Variants in KCNMA1 observed in about 807,000 individuals in gnomAD.
KCNMA1 encodes the protein Calcium-activated potassium channel subunit alpha-1.
Under a neutral mutation model 140.0 loss-of-function variants are expected in KCNMA1, and 29 were observed. The observed-to-expected ratio is 0.21, with a 90% CI of 0.15 to 0.28. The LOEUF (loss-of-function observed/expected upper bound fraction) is 0.28. Ranked by LOEUF, KCNMA1 falls within the 10% of genes least tolerant of loss-of-function variation. The probability of loss-of-function intolerance (pLI) is 1.00; values close to 1 mark genes in which losing one functional copy is unlikely to be tolerated. For missense variants in KCNMA1, 880 were observed against 1,602.2 expected (o/e 0.55, Z 7.70); for synonymous variants, 612 against 611.9 (o/e 1.00, Z 0.00).
At chr10:77,367,465 G>A (rs937084205) in intron 2 of KCNMA1, among the ~76,000 whole-genome samples, 3 of 152,126 alleles carry the variant, frequency 2.0e-5, no homozygotes, top group African/African-American at 7.2e-5. Context: ...AAGAGCCCCA[G>A]CATCACTCAG....
At position 77,500,816 on chromosome 10, in the gene KCNMA1, G is replaced by A. The variant is rs192665742; in HGVS notation, c.379-96793C>T. Among the ~76,000 whole-genome samples, 33 of 152,286 alleles carry A rather than the reference G, an allele frequency of 2.2e-4. No homozygotes were observed. In the East Asian group the frequency reaches 5.0e-3, roughly 23 times the overall value. Reference sequence around the variant, plus strand: ...GTGATTAGAAGGCTGGAATTTCTGCGTTAACTGGTCAACTGGAGAGAACTG... The same window carrying A: ...GTGATTAGAAGGCTGGAATTTCTGCATTAACTGGTCAACTGGAGAGAACTG... On this transcript the variant is annotated intron_variant, in intron 1 of 27. Transcript: ENST00000286628.
intron 2 of KCNMA1, among the ~76,000 whole-genome samples, chr10:77,267,214 T>C (rs545264187): frequency 2.8e-4 from 43 of 152,170 alleles, no homozygotes; most frequent in African/African-American, 8.9e-4. Flanking sequence ...CTAGGCAGAG[T>C]TTTGCACTCA....
intron 2 of KCNMA1, among the ~76,000 whole-genome samples, chr10:77,323,939 A>T (rs1050224126): frequency 6.6e-6 from 1 of 152,220 alleles, no homozygotes; most frequent in Admixed American, 6.5e-5. Flanking sequence ...CAATTTCTAG[A>T]CAGAACATTC....
At position 76,954,378 on chromosome 10, in the gene KCNMA1, A is replaced by C. The variant is rs74399697; in HGVS notation, c.2361-454T>G. Reference sequence around the variant, plus strand: ...GGAATAGGAATAGAGCCTCATGCTGACTGACTGGCATGAGGATGGAAAGCC... The same window carrying C: ...GGAATAGGAATAGAGCCTCATGCTGCCTGACTGGCATGAGGATGGAAAGCC... On this transcript the variant is annotated intron_variant, in intron 20 of 27. Coordinates refer to ENST00000286628, the MANE Select transcript of KCNMA1 (RefSeq NM_001161352.2). Among the ~76,000 whole-genome samples, 380 of 152,308 alleles carry C rather than the reference A, an allele frequency of 2.5e-3. 2 individuals carry two copies. Among genetic ancestry groups the C allele is most frequent in the Middle Eastern group, 3.4e-3 (1 of 294 alleles).
At chr10:77,575,347 G>A (rs541481625) in intron 1 of KCNMA1, among the ~76,000 whole-genome samples, 15 of 152,268 alleles carry the variant, frequency 9.9e-5, no homozygotes, top group African/African-American at 2.4e-4. Context: ...AGGCACTAGC[G>A]ATTTCCTTTT....
intron 23 of KCNMA1, among the ~76,000 whole-genome samples, chr10:76,923,675 T>C (rs111706172): frequency 0.017 from 2,596 of 152,252 alleles, 76 homozygotes; most frequent in African/African-American, 0.06. Flanking sequence ...TTACCTTATC[T>C]TAATTCATCT....
chr10:77,565,360 GCA>G (rs1435142560), intron 1 of KCNMA1, among the ~76,000 whole-genome samples: 1 of 66,422 alleles, frequency 1.5e-5, no homozygotes, highest in African/African-American at 4.4e-5. Context: ...TTACTTCTGA[GCA>G]CATTTTCCCA....
At chr10:77,340,282 A>T (rs169601) in intron 2 of KCNMA1, among the ~76,000 whole-genome samples, 126,847 of 151,988 alleles carry the variant, frequency 0.83, 53,091 homozygotes, top group Middle Eastern at 0.9. Flanking sequence ...AACTAGTTCA[A>T]CCATTGTGGA....
At position 77,606,140 on chromosome 10, in the gene KCNMA1, C is replaced by A. The variant is rs191093709; in HGVS notation, c.378+31125G>T. On this transcript the variant is annotated intron_variant, in intron 1 of 27. Coordinates refer to ENST00000286628, the MANE Select transcript of KCNMA1 (RefSeq NM_001161352.2). ...CCCTCCAGCCTCCCAGACACCCCTG[C>A]ATCAGCCTCTCTCTAGGTAACAGAT... 9.2e-5 allele frequency among the ~76,000 whole-genome samples: 14 copies of A among 152,368 alleles called. No homozygotes were observed. In the East Asian group the frequency reaches 2.3e-3, roughly 25 times the overall value.
intron 25 of KCNMA1, among the ~76,000 whole-genome samples, chr10:76,899,849 T>C (rs940648209): frequency 3.3e-5 from 5 of 152,162 alleles, no homozygotes; most frequent in African/African-American, 1.2e-4. Flanking sequence ...TTTCAGATAA[T>C]ATTTAATGGC....
intron 2 of KCNMA1, among the ~76,000 whole-genome samples, chr10:77,286,161 A>C (rs2070747421): frequency 6.6e-6 from 1 of 152,104 alleles, no homozygotes; most frequent in African/African-American, 2.4e-5. Context: ...CAATTTTTAA[A>C]TTGAACTTTA....
rs1369659074 is a variant in KCNMA1 at position 77,326,006 on chromosome 10, T to TC, written c.541-74751dup. Among the ~76,000 whole-genome samples, 8 of 152,092 alleles carry TC rather than the reference T, an allele frequency of 5.3e-5. No individual in the cohort carries two copies. In the Middle Eastern group the frequency reaches 0.01, roughly 194 times the overall value. ...ATGGGGGTTGACTGTTTTGGTTTCT[T>TC]CCCCCCCATTTCTAAGGACAGGAAC... On this transcript the variant is annotated intron_variant, in intron 2 of 27. Coordinates refer to ENST00000286628, the MANE Select transcript of KCNMA1 (RefSeq NM_001161352.2).
intron 2 of KCNMA1, among the ~76,000 whole-genome samples, chr10:77,387,924 A>G (rs1011659612): frequency 6.6e-6 from 1 of 152,140 alleles, no homozygotes; most frequent in African/African-American, 2.4e-5. Flanking sequence ...AGCCCTCGGA[A>G]TTCTTTAGAG....
At chr10:77,112,878 A>G (rs1385208914) in intron 6 of KCNMA1, among the ~76,000 whole-genome samples, 1 of 151,988 alleles carries the variant, frequency 6.6e-6, no homozygotes, top group Non-Finnish European at 1.5e-5. Context: ...CCATTTACCA[A>G]TAAATCAGAG....
Position 77,309,020 on chromosome 10 carries a change from T to C in KCNMA1, c.541-57764A>G, listed in dbSNP as rs2078569742. On this transcript the variant is annotated intron_variant, in intron 2 of 27. Transcript: ENST00000286628. ...CTGTTCCCTACTGCTCTTAAAGCCC[T>C]GTATTTCCCTTACCCAAAGGAGCCC... Among the ~76,000 whole-genome samples, 8 of 152,344 alleles carry C rather than the reference T, an allele frequency of 5.3e-5. 1 individual carries two copies. In the South Asian group the frequency reaches 1.7e-3, roughly 32 times the overall value.
chr10:77,501,746 G>A (rs139666980), intron 1 of KCNMA1, among the ~76,000 whole-genome samples: 170 of 152,316 alleles, frequency 1.1e-3, no homozygotes, highest in African/African-American at 3.8e-3. Flanking sequence ...CAAGTACCAC[G>A]TGGCCACTGC....
intron 1 of KCNMA1, among the ~76,000 whole-genome samples, chr10:77,456,064 T>C (rs1302750065): frequency 6.6e-6 from 1 of 152,190 alleles, no homozygotes; most frequent in African/African-American, 2.4e-5. Context: ...TGCCAGGCAC[T>C]GTGCTGACAA....
intron 2 of KCNMA1, among the ~76,000 whole-genome samples, chr10:77,253,703 A>C (rs1315803461): frequency 6.6e-6 from 1 of 152,240 alleles, no homozygotes; most frequent in Non-Finnish European, 1.5e-5. Context: ...TTGAATGGAC[A>C]TGCATTTGGG....
intron 5 of KCNMA1, among the ~76,000 whole-genome samples, chr10:77,122,800 C>T (rs1005802290): frequency 1.2e-4 from 19 of 152,184 alleles, no homozygotes; most frequent in African/African-American, 4.6e-4. Context: ...TTTCACATTT[C>T]AAGTATTAAA....
Sources: gnomAD v4.1 joint callset for allele counts (sites outside exome capture counted in the v4.1 genomes callset) on GRCh38, gnomAD v4.1.1 for gene constraint, MANE v1.5 for transcripts, NCBI Gene and HGNC (gene_info 2026-07-23, HGNC 2026-07-21) for gene names.